Variants in PDE3B observed in about 807,000 individuals in gnomAD.
PDE3B encodes cGMP-inhibited 3',5'-cyclic phosphodiesterase 3B.
PDE3B carries 66 observed loss-of-function variants against 116.8 expected under a neutral mutation model. The observed-to-expected ratio is 0.56, with a 90% CI of 0.46 to 0.69. The LOEUF is 0.69. PDE3B is among the 30% of genes least tolerant of loss of function. PDE3B has a pLI of 0.00. For missense variants in PDE3B, 1,384 were observed against 1,368.1 expected (o/e 1.01, Z -0.18); for synonymous variants, 595 against 533.6 (o/e 1.12, Z -1.59).
chr11:14,773,138 T>G (rs572270342), intron 2 of PDE3B: 1 of 152,148 alleles, frequency 6.6e-6, no homozygotes, highest in South Asian at 2.1e-4. Context: ...TAATTCTAGT[T>G]TACTAAGGAC....
chr11:14,870,234 G>A lies in PDE3B; in HGVS notation c.*574G>A, dbSNP rs544615024. On this transcript the variant is annotated 3_prime_UTR_variant, in exon 16 of 16. Transcript: ENST00000282096. The surrounding 1 kb of genome is among the most constrained non-coding windows in gnomAD (Gnocchi z 4.1). The stretch of plus-strand genomic sequence containing the variant: ...TAGGTTTATCCATGAAGGACTGAGT[G>A]ACCTTTGTTGTATTTAACAAAATCC... 10 of 152,474 alleles carry A rather than the reference G, an allele frequency of 6.6e-5. No individual in the cohort carries two copies. Among genetic ancestry groups the A allele is most frequent in the African/African-American group, 2.4e-4 (10 of 41,562 alleles). The allele number at this position is 152,474 out of a possible 1,614,324, so 9.4% of individuals were successfully genotyped here.
At chr11:14,882,300 T>G in the PDE3B span, among the ~76,000 whole-genome samples, 1 of 151,962 alleles carries the variant, frequency 6.6e-6, no homozygotes, top group African/African-American at 2.4e-5. Flanking sequence ...TAAAAAGATA[T>G]AGGGTAGTCA....
chr11:14,661,805 A>C (rs1483713456), intron 1 of PDE3B, among the ~76,000 whole-genome samples: 1 of 152,194 alleles, frequency 6.6e-6, no homozygotes, highest in Non-Finnish European at 1.5e-5. Flanking sequence ...GCAGCAGGTA[A>C]GCTCGAACTG....
At chr11:14,892,045 G>A in the PDE3B span, 4 of 1,613,202 alleles carry the variant, frequency 2.5e-6, no homozygotes, top group Non-Finnish European at 3.4e-6. Flanking sequence ...GGCTGCCAGG[G>A]AATAGATGTT....
At chr11:14,659,380 G>A (rs117452286) in intron 1 of PDE3B, among the ~76,000 whole-genome samples, 2,027 of 152,290 alleles carry the variant, frequency 0.013, 19 homozygotes, top group Admixed American at 0.025. Context: ...TGCTTAGACT[G>A]CACTTTTGAT....
At chr11:14,892,997 A>G in the PDE3B span, among the ~76,000 whole-genome samples, 3 of 152,272 alleles carry the variant, frequency 2.0e-5, no homozygotes, top group South Asian at 4.1e-4. Flanking sequence ...CCTGTTTTCT[A>G]TTGGGCAGTT....
At chr11:14,850,696 G>A (rs568953674) in intron 12 of PDE3B, among the ~76,000 whole-genome samples, 4 of 152,060 alleles carry the variant, frequency 2.6e-5, no homozygotes, top group Admixed American at 2.0e-4. Context: ...TTTGTACCTA[G>A]TATAGCTGGT....
intron 1 of PDE3B, among the ~76,000 whole-genome samples, chr11:14,679,830 G>A (rs1299175835): frequency 6.6e-6 from 1 of 151,956 alleles, no homozygotes; most frequent in Non-Finnish European, 1.5e-5. Flanking sequence ...TATCACTACA[G>A]TTCACGGAAT....
intron 8 of PDE3B, among the ~76,000 whole-genome samples, chr11:14,831,269 T>C (rs2133962636): frequency 6.6e-6 from 1 of 151,806 alleles, no homozygotes; most frequent in East Asian, 1.9e-4. Flanking sequence ...TTTTGAAAAA[T>C]TATCCTGGTA....
At chr11:14,803,877 C>A (rs1858841925) in intron 4 of PDE3B, 67 bp from the exon 5 acceptor site, 6 of 886,508 alleles carry the variant, frequency 6.8e-6, no homozygotes, top group Admixed American at 3.7e-5. Flanking sequence ...AAATTGAGAA[C>A]CATGAGGAAA....
chr11:14,859,280 ATCTT>A, intron 13 of PDE3B, 34 bp downstream of exon 13: 1 of 1,457,846 alleles, frequency 6.9e-7, no homozygotes, highest in East Asian at 2.3e-5. Context: ...GATTTAAAAA[ATCTT>A]TATTGTCAGT....
chr11:14,827,176 A>G (rs952281853), intron 7 of PDE3B, among the ~76,000 whole-genome samples: 3 of 152,224 alleles, frequency 2.0e-5, no homozygotes, highest in Non-Finnish European at 4.4e-5. Flanking sequence ...CCTCAAAATA[A>G]TAAGAACCAT....
At chr11:14,876,863 C>T (rs1848195017), downstream of PDE3B, among the ~76,000 whole-genome samples, 2 of 152,114 alleles carry the variant, frequency 1.3e-5, no homozygotes, top group African/African-American at 2.4e-5. Flanking sequence ...ACCCTTCCTC[C>T]AAATTCCCCT....
intron 1 of PDE3B, among the ~76,000 whole-genome samples, chr11:14,751,221 T>A (rs968196698): frequency 4.6e-5 from 7 of 152,202 alleles, no homozygotes; most frequent in Non-Finnish European, 1.0e-4. Flanking sequence ...GTAATATTTT[T>A]AAAAATGTTA....
At chr11:14,788,367 T>A (rs1858276644) in intron 3 of PDE3B, among the ~76,000 whole-genome samples, 1 of 151,968 alleles carries the variant, frequency 6.6e-6, no homozygotes, top group African/African-American at 2.4e-5. Context: ...CATAAAGGAC[T>A]TTTTCACTGC....
chr11:14,842,881 T>A (rs1459451811), intron 11 of PDE3B, among the ~76,000 whole-genome samples: 1 of 152,214 alleles, frequency 6.6e-6, no homozygotes, highest in Non-Finnish European at 1.5e-5. Flanking sequence ...TAAAGTCATG[T>A]TAAAAAATTC....
intron 1 of PDE3B, among the ~76,000 whole-genome samples, chr11:14,750,781 G>C (rs1384763466): frequency 6.6e-6 from 1 of 152,166 alleles, no homozygotes; most frequent in Non-Finnish European, 1.5e-5. Context: ...TGTAATTTTA[G>C]AAAGGAATAC....
intron 1 of PDE3B, among the ~76,000 whole-genome samples, chr11:14,721,228 C>T (rs1238545953): frequency 1.3e-5 from 2 of 152,128 alleles, no homozygotes; most frequent in East Asian, 1.9e-4. Flanking sequence ...TATGAGATAC[C>T]ATCTCACACC....
chr11:14,840,585 G>A lies in PDE3B; in HGVS notation c.2321-3242G>A, dbSNP rs576619035. Among the ~76,000 whole-genome samples the A allele has an allele frequency of 7.9e-5, 12 of 152,328 alleles. No homozygotes were observed. In the South Asian group the frequency reaches 2.3e-3, roughly 29 times the overall value. On this transcript the variant is annotated intron_variant, in intron 11 of 15. Transcript: ENST00000282096. The stretch of plus-strand genomic sequence containing the variant: ...CTTTGTGGGGAATTCCCTATGACCA[G>A]TTGACTTAAAGAGAAAGACCAGTTG...
Sources: allele counts gnomAD v4.1 joint callset (sites outside exome capture counted in the v4.1 genomes callset), GRCh38; gene constraint gnomAD v4.1.1; non-coding constraint Gnocchi (gnomAD v3.1); transcripts MANE v1.5; gene names NCBI Gene and HGNC (gene_info 2026-07-23, HGNC 2026-07-21).